FCHO2: variants seen among roughly 807,000 people sequenced by gnomAD.
The protein encoded by FCHO2 is FCH and mu domain containing endocytic adaptor 2.
In FCHO2, 43 loss-of-function variants were observed where a neutral mutation model predicts 114.1. The ratio of observed to expected loss-of-function variants is 0.38; its 90% CI spans 0.30 to 0.49. FCHO2 has a LOEUF of 0.49. Ranked by LOEUF, FCHO2 falls within the 20% of genes least tolerant of loss-of-function variation. The pLI, the probability that FCHO2 is intolerant of heterozygous loss-of-function variation, is 0.97. For missense variants in FCHO2, 807 were observed against 950.4 expected, an observed-to-expected ratio of 0.85 and a Z score of 1.98; for synonymous variants, 293 against 315.2, an observed-to-expected ratio of 0.93 and a Z score of 0.75.
At chr5:73,047,800 T>G (rs909720310) in intron 11 of FCHO2, among the ~76,000 whole-genome samples, 1 of 152,158 alleles carries the variant, frequency 6.6e-6, no homozygotes, top group African/African-American at 2.4e-5. Flanking sequence ...TTTTACTGTG[T>G]TTTTTAAAGA....
rs566470017 is a variant in FCHO2, at chr5:73,078,182, A to T, written c.1850A>T (p.Asp617Val). The stretch of plus-strand genomic sequence containing the variant: ...AAATATATTTTTTATATATGTAGTG[A>T]TCCATCACAATGTGATTCCAACACA... ...ILPNAQLVFSDPSQCDSNTKD... is the reference protein window; with the variant it reads ...ILPNAQLVFSVPSQCDSNTKD... Residue 617 changes from aspartate (D) to valine (V), a missense_variant and splice_region_variant, in exon 22 of 26, where the codon GAT (aspartate) becomes GTT (valine). Transcript: ENST00000430046. 54 of 1,541,886 alleles carry T rather than the reference A, an allele frequency of 3.5e-5. No homozygotes were observed. The highest frequency in any genetic ancestry group is 2.0e-4 in the Admixed American group (10 of 49,352).
chr5:73,064,702 TC>T, intron 18 of FCHO2, among the ~76,000 whole-genome samples: 1 of 152,096 alleles, frequency 6.6e-6, no homozygotes, highest in Non-Finnish European at 1.5e-5. Context: ...TCCATCTTTC[TC>T]CCCTTTTCAA....
chr5:73,029,592 A>C (rs1756121677), intron 8 of FCHO2, among the ~76,000 whole-genome samples: 1 of 152,222 alleles, frequency 6.6e-6, no homozygotes, highest in Non-Finnish European at 1.5e-5. Flanking sequence ...TCATTTATAA[A>C]GAAAAGATAT....
At chr5:73,021,221 A>G in intron 8 of FCHO2, 1 of 714,206 alleles carries the variant, frequency 1.4e-6, no homozygotes, top group Non-Finnish European at 2.6e-6. Context: ...GGAAAAACTG[A>G]TCTTCTTTAT....
intron 20 of FCHO2, among the ~76,000 whole-genome samples, chr5:73,075,750 C>T (rs1742882317): frequency 1.3e-5 from 2 of 151,978 alleles, no homozygotes; most frequent in Admixed American, 6.6e-5. Context: ...AGGGTATTAG[C>T]AGAGCAGGTG....
At chr5:72,982,796 G>A (rs1470421964) in intron 2 of FCHO2, among the ~76,000 whole-genome samples, 1 of 140,050 alleles carries the variant, frequency 7.1e-6, no homozygotes, top group Admixed American at 7.1e-5. Flanking sequence ...GTTAATTTTT[G>A]TGAAGGGTGT....
At chr5:73,078,388 T>C in intron 22 of FCHO2, 76 bp downstream of exon 22, 2 of 1,300,478 alleles carry the variant, frequency 1.5e-6, no homozygotes, top group Admixed American at 3.0e-5. Context: ...TGAATAAGTA[T>C]GTCATAGCCA....
intron 13 of FCHO2, 96 bp from the exon 14 acceptor site, chr5:73,054,064 A>T: frequency 1.0e-6 from 1 of 962,002 alleles, no homozygotes; most frequent in Non-Finnish European, 1.5e-6. Context: ...TATATAGTTT[A>T]GATATGATTG....
intron 2 of FCHO2, 44 bp downstream of exon 2, chr5:72,968,633 CAA>C: frequency 7.6e-7 from 1 of 1,313,770 alleles, no homozygotes; most frequent in Non-Finnish European, 1.0e-6. Flanking sequence ...AACTTAATAG[CAA>C]TTTAAATTTT....
At chr5:73,077,029 A>G (rs1349562418) in intron 20 of FCHO2, among the ~76,000 whole-genome samples, 1 of 152,156 alleles carries the variant, frequency 6.6e-6, no homozygotes, top group African/African-American at 2.4e-5. Flanking sequence ...GTTATGAGGA[A>G]AGCAATATCC....
chr5:73,085,377 C>A (rs190165344), intron 24 of FCHO2, among the ~76,000 whole-genome samples: 164 of 152,204 alleles, frequency 1.1e-3, no homozygotes, highest in African/African-American at 3.5e-3. Context: ...ATTTTCTAAC[C>A]AGATTTTAAG....
At chr5:72,960,216 C>G (rs1751779955) in intron 1 of FCHO2, among the ~76,000 whole-genome samples, 1 of 152,216 alleles carries the variant, frequency 6.6e-6, no homozygotes, top group African/African-American at 2.4e-5. Context: ...CTTTTGAAAG[C>G]AGCACATTCT....
At chr5:72,966,615 T>C (rs1378968195) in intron 1 of FCHO2, among the ~76,000 whole-genome samples, 2 of 152,258 alleles carry the variant, frequency 1.3e-5, no homozygotes, top group Non-Finnish European at 2.9e-5. Context: ...GACATTTTAA[T>C]TTGTGATATG....
chr5:72,975,034 C>T (rs1038659767), intron 2 of FCHO2, among the ~76,000 whole-genome samples: 2 of 152,108 alleles, frequency 1.3e-5, no homozygotes, highest in African/African-American at 4.8e-5. Context: ...TATTGAATGC[C>T]TACTTATTCT....
intron 8 of FCHO2, among the ~76,000 whole-genome samples, chr5:73,026,010 A>G (rs1755895432): frequency 6.6e-6 from 1 of 152,160 alleles, no homozygotes; most frequent in South Asian, 2.1e-4. Flanking sequence ...AAATTTGTAT[A>G]CATAGCTGGA....
At chr5:72,994,016 C>G (rs903008475) in intron 5 of FCHO2, among the ~76,000 whole-genome samples, 1 of 151,988 alleles carries the variant, frequency 6.6e-6, no homozygotes, top group African/African-American at 2.4e-5. Flanking sequence ...AATGTAAAAC[C>G]CAAAACTATA....
intron 22 of FCHO2, among the ~76,000 whole-genome samples, chr5:73,079,623 A>T (rs1363062140): frequency 6.6e-6 from 1 of 152,220 alleles, no homozygotes; most frequent in Admixed American, 6.5e-5. Flanking sequence ...AAGGTACTAA[A>T]ATAAAGGCAT....
At chr5:72,967,770 C>T (rs904000669) in intron 1 of FCHO2, among the ~76,000 whole-genome samples, 2 of 152,014 alleles carry the variant, frequency 1.3e-5, no homozygotes, top group Non-Finnish European at 2.9e-5. Context: ...TGGGTGCATG[C>T]CACCATGCCC....
chr5:73,051,333 T>C lies in FCHO2; in HGVS notation c.940-16T>C. ...ATTGGAGTTGTCATTATAATTTTTT[T>C]TTCTTTTTCCCTTAGAACATTCCTG... On this transcript the variant is annotated splice_polypyrimidine_tract_variant and intron_variant, in intron 11 of 25. Coordinates refer to ENST00000430046, the MANE Select transcript of FCHO2 (RefSeq NM_138782.3). 1 of 1,502,796 alleles carries C rather than the reference T, an allele frequency of 6.7e-7. No individual in the cohort carries two copies. The highest frequency in any genetic ancestry group is 9.0e-7 in the Non-Finnish European group (1 of 1,111,930). The allele number at this position is 1,502,796 out of a possible 1,614,324, so 93.1% of individuals were successfully genotyped here.
Sources: gnomAD v4.1 joint callset for allele counts (sites outside exome capture counted in the v4.1 genomes callset) on GRCh38, gnomAD v4.1.1 for gene constraint, MANE v1.5 for transcripts, NCBI Gene and HGNC (gene_info 2026-07-23, HGNC 2026-07-21) for gene names.